The following CLEC4C variants were observed in gnomAD, a reference collection of about 807,000 sequenced individuals.
The protein encoded by CLEC4C is C-type (calcium dependent, carbohydrate-recognition domain) lectin, superfamily member 11.
A neutral mutation model predicts 27.7 loss-of-function variants in CLEC4C; 17 were observed. The ratio of observed to expected loss-of-function variants is 0.61; its 90% confidence interval spans 0.42 to 0.92. CLEC4C has a LOEUF of 0.92. Ranked by LOEUF, CLEC4C falls within the 40% of genes least tolerant of loss-of-function variation. CLEC4C has a pLI of 0.00. For synonymous variants in CLEC4C, 80 were observed against 80.8 expected (o/e 0.99, Z 0.06); for missense variants, 244 against 257.3 (o/e 0.95, Z 0.35).
Position 7,729,421 on chromosome 12 carries a change from T to A in CLEC4C, c.*175A>T. Reference sequence around the variant, plus strand: ...CTCATTTTATGAATGAATAAATGAATAAATGAATAAATGAATGTGTGAATG... The same window carrying A: ...CTCATTTTATGAATGAATAAATGAAAAAATGAATAAATGAATGTGTGAATG... On this transcript the variant is annotated 3_prime_UTR_variant, in exon 6 of 6. Transcript: ENST00000360345. The A allele has an allele frequency of 1.7e-6, 1 of 577,544 alleles. No homozygotes were observed. The highest frequency in any genetic ancestry group is 3.3e-5 in the Admixed American group (1 of 30,164). 35.8% of individuals were successfully genotyped at this position (577,544 alleles called of 1,614,324 possible). A position where few individuals can be genotyped will look rare whatever the true frequency, so the allele number is the denominator to read the frequency against.
chr12:7,736,252 C>T (rs1238826089), intron 4 of CLEC4C, among the ~76,000 whole-genome samples: 1 of 151,428 alleles, frequency 6.6e-6, no homozygotes, highest in Admixed American at 6.6e-5. Flanking sequence ...CATTGCACTC[C>T]AGCCTGGGCG....
intron 2 of CLEC4C, 41 bp from the exon 3 acceptor site, chr12:7,741,572 T>C (rs1483186289): frequency 9.3e-7 from 1 of 1,069,760 alleles, no homozygotes; most frequent in African/African-American, 1.5e-5. Flanking sequence ...TTCTTTTAAG[T>C]GGATCTATGT....
intron 3 of CLEC4C, among the ~76,000 whole-genome samples, chr12:7,738,917 CT>C (rs1864788994): frequency 1.3e-5 from 2 of 151,838 alleles, no homozygotes. Flanking sequence ...CACCCATTAA[CT>C]CGTCATTTAT....
chr12:7,733,300 G>T (rs1420183828), intron 4 of CLEC4C, among the ~76,000 whole-genome samples: 1 of 150,002 alleles, frequency 6.7e-6, no homozygotes, highest in East Asian at 1.9e-4. Context: ...GTCTTGGTCT[G>T]TTGCCAAGGC....
At chr12:7,747,229 T>A (rs1865003209) in intron 1 of CLEC4C, 89 bp downstream of exon 1, 7 of 1,152,684 alleles carry the variant, frequency 6.1e-6, no homozygotes, top group Non-Finnish European at 9.2e-6. Flanking sequence ...TACTTCTTCT[T>A]CCAAAGTCAT....
At chr12:7,737,962 T>TA (rs1864767506) in intron 3 of CLEC4C, among the ~76,000 whole-genome samples, 2 of 152,160 alleles carry the variant, frequency 1.3e-5, no homozygotes, top group Non-Finnish European at 2.9e-5. Flanking sequence ...GCCCATGCCT[T>TA]AGTTTTCCAG....
upstream of CLEC4C, among the ~76,000 whole-genome samples, chr12:7,748,717 C>T (rs936987371): frequency 1.3e-5 from 2 of 152,120 alleles, no homozygotes; most frequent in Non-Finnish European, 2.9e-5. Context: ...TTGCTTTCCT[C>T]TGTCTTGGAT....
intron 5 of CLEC4C, among the ~76,000 whole-genome samples, chr12:7,730,368 T>C (rs1864567789): frequency 1.3e-5 from 2 of 152,178 alleles, no homozygotes; most frequent in South Asian, 4.1e-4. Flanking sequence ...TGGCCGGGGA[T>C]GGTGGCTCAC....
At chr12:7,746,466 G>A (rs1182626006) in intron 1 of CLEC4C, 43 bp from the exon 2 acceptor site, 1 of 1,287,166 alleles carries the variant, frequency 7.8e-7, no homozygotes, top group East Asian at 2.3e-5. Flanking sequence ...AATCCCCACT[G>A]CCAAAGAGCC....
At chr12:7,743,511 A>AGT (rs1036024215) in intron 2 of CLEC4C, among the ~76,000 whole-genome samples, 4 of 151,516 alleles carry the variant, frequency 2.6e-5, no homozygotes, top group Admixed American at 2.6e-4. Context: ...CAGCCTCCTG[A>AGT]GTAGCTGGCA....
intron 4 of CLEC4C, among the ~76,000 whole-genome samples, chr12:7,735,222 T>A (rs1203187306): frequency 6.8e-6 from 1 of 147,342 alleles, no homozygotes; most frequent in Non-Finnish European, 1.5e-5. Context: ...AAAAAGAAGA[T>A]CTGGGCACAG....
intron 4 of CLEC4C, among the ~76,000 whole-genome samples, chr12:7,732,498 C>T (rs1048488932): frequency 3.3e-5 from 5 of 150,950 alleles, no homozygotes; most frequent in African/African-American, 7.3e-5. Context: ...ATTACACGCA[C>T]GAGCCACCAT....
chr12:7,738,308 G>A (rs779508056), intron 3 of CLEC4C, among the ~76,000 whole-genome samples: 2 of 152,036 alleles, frequency 1.3e-5, no homozygotes, highest in African/African-American at 2.4e-5. Flanking sequence ...GAGAGGTTGA[G>A]GTGACATAAT....
intron 4 of CLEC4C, among the ~76,000 whole-genome samples, chr12:7,732,504 A>C (rs972117033): frequency 6.6e-6 from 1 of 150,812 alleles, no homozygotes; most frequent in African/African-American, 2.4e-5. Flanking sequence ...CGCACGAGCC[A>C]CCATGCCCAG....
At chr12:7,744,781 T>C (rs1864935241) in intron 2 of CLEC4C, among the ~76,000 whole-genome samples, 1 of 151,940 alleles carries the variant, frequency 6.6e-6, no homozygotes, top group South Asian at 2.1e-4. Flanking sequence ...TGCCAAGTTA[T>C]ATTTTTTATT....
intron 2 of CLEC4C, among the ~76,000 whole-genome samples, chr12:7,744,140 A>G (rs1409349550): frequency 6.6e-6 from 1 of 152,152 alleles, no homozygotes; most frequent in African/African-American, 2.4e-5. Context: ...CCCACCTCCA[A>G]CAGTGGGGAT....
chr12:7,743,621 C>T (rs753207563), intron 2 of CLEC4C, among the ~76,000 whole-genome samples: 3 of 152,054 alleles, frequency 2.0e-5, no homozygotes, highest in South Asian at 2.1e-4. Context: ...CCTCGTGATC[C>T]GTCCGCCTCG....
intron 2 of CLEC4C, among the ~76,000 whole-genome samples, chr12:7,742,020 C>CAA (rs139483033): frequency 0.22 from 32,701 of 149,976 alleles, 4,251 homozygotes; most frequent in Admixed American, 0.31. Flanking sequence ...GACTGTGTCT[C>CAA]AAAAAAACAA....
intron 4 of CLEC4C, among the ~76,000 whole-genome samples, chr12:7,734,825 A>C (rs1056518880): frequency 6.6e-6 from 1 of 151,980 alleles, no homozygotes; most frequent in African/African-American, 2.4e-5. Context: ...TAGGATTACA[A>C]GCATGAGCCA....
Sources: allele counts gnomAD v4.1 joint callset (sites outside exome capture counted in the v4.1 genomes callset), GRCh38; gene constraint gnomAD v4.1.1; transcripts MANE v1.5; gene names NCBI Gene and HGNC (gene_info 2026-07-23, HGNC 2026-07-21).